Variants in MCPH1 observed in about 807,000 individuals in gnomAD.
MCPH1 encodes the protein microcephalin.
In MCPH1, 104 loss-of-function variants were observed where a neutral mutation model predicts 84.5. The ratio of observed to expected loss-of-function variants is 1.23; its 90% CI spans 1.05 to 1.45. The LOEUF is 1.45. Among genes scored for constraint, MCPH1 ranks in the 40% most tolerant of loss-of-function variants. MCPH1 has a pLI of 0.00. For missense variants in MCPH1, 1,498 were observed against 1,005.7 expected, an observed-to-expected ratio of 1.49 and a Z score of -6.62; for synonymous variants, 514 against 366.8, an observed-to-expected ratio of 1.40 and a Z score of -4.58.
chr8:6,567,836 G>T (rs1826329139), intron 12 of MCPH1, among the ~76,000 whole-genome samples: 1 of 152,156 alleles, frequency 6.6e-6, no homozygotes, highest in Non-Finnish European at 1.5e-5. Flanking sequence ...TGTACTGACG[G>T]GACCACAAGA....
At chr8:6,477,712 C>G in intron 10 of MCPH1, 81 bp downstream of exon 10, 1 of 1,070,704 alleles carries the variant, frequency 9.3e-7, no homozygotes, top group Non-Finnish European at 1.5e-6. Flanking sequence ...TGCCTTTAGG[C>G]AACTTGTCAA....
chr8:6,604,683 G>A (rs945065226), intron 12 of MCPH1, among the ~76,000 whole-genome samples: 6 of 152,168 alleles, frequency 3.9e-5, no homozygotes, highest in Admixed American at 3.3e-4. Context: ...TTTTGTATTT[G>A]TAGTAGAGAC....
At chr8:6,552,304 G>A (rs867066635) in intron 12 of MCPH1, among the ~76,000 whole-genome samples, 7 of 152,176 alleles carry the variant, frequency 4.6e-5, no homozygotes, top group Non-Finnish European at 8.8e-5. Context: ...ATGGAATGTG[G>A]CCATATTCAC....
At chr8:6,551,836 T>C (rs1434695440) in intron 12 of MCPH1, among the ~76,000 whole-genome samples, 1 of 152,346 alleles carries the variant, frequency 6.6e-6, no homozygotes, top group East Asian at 1.9e-4. Flanking sequence ...TAACGTACTT[T>C]CTCGAGCAGA....
intron 12 of MCPH1, among the ~76,000 whole-genome samples, chr8:6,525,602 C>T (rs1261273859): frequency 6.6e-6 from 1 of 152,070 alleles, no homozygotes; most frequent in East Asian, 1.9e-4. Flanking sequence ...GTGGTTTGTC[C>T]AATGTGAAAC....
At chr8:6,457,760 G>T (rs2129557091) in intron 9 of MCPH1, among the ~76,000 whole-genome samples, 1 of 152,304 alleles carries the variant, frequency 6.6e-6, no homozygotes, top group East Asian at 1.9e-4. Flanking sequence ...CTCGCCAATA[G>T]CAGAAGGAGC....
chr8:6,632,576 G>C (rs529228821), intron 13 of MCPH1, among the ~76,000 whole-genome samples: 1 of 152,294 alleles, frequency 6.6e-6, no homozygotes, highest in Admixed American at 6.5e-5. Context: ...TTGGAAGGCC[G>C]AGGGGGGCGG....
chr8:6,519,887 G>T (rs760595816), intron 12 of MCPH1: 1 of 1,613,868 alleles, frequency 6.2e-7, no homozygotes, highest in African/African-American at 1.3e-5. Context: ...GTAGAATTAG[G>T]GAATGTTAAC....
chr8:6,617,275 TTG>T (rs1830896183), intron 12 of MCPH1: 1 of 133,636 alleles, frequency 7.5e-6, no homozygotes, highest in Non-Finnish European at 1.5e-5. Flanking sequence ...GGTGTTTTTT[TTG>T]TTTTTTTTTT....
At chr8:6,482,503 CTG>C (rs1316354332) in intron 11 of MCPH1, among the ~76,000 whole-genome samples, 3 of 152,220 alleles carry the variant, frequency 2.0e-5, no homozygotes, top group Middle Eastern at 3.2e-3. Context: ...CAAATCGTCT[CTG>C]TGTCTTCATC....
chr8:6,452,525 A>T (rs1029514140), intron 8 of MCPH1, among the ~76,000 whole-genome samples: 37 of 152,360 alleles, frequency 2.4e-4, no homozygotes, highest in African/African-American at 8.7e-4. Context: ...AATGCTGTGG[A>T]CCAAATTGTG....
chr8:6,539,774 A>T (rs975625769), intron 12 of MCPH1, among the ~76,000 whole-genome samples: 5 of 152,060 alleles, frequency 3.3e-5, no homozygotes, highest in Admixed American at 1.3e-4. Flanking sequence ...TTTAATAGAG[A>T]TGGGGCTTCG....
At chr8:6,560,563 A>G (rs531693674) in intron 12 of MCPH1, among the ~76,000 whole-genome samples, 52 of 152,316 alleles carry the variant, frequency 3.4e-4, no homozygotes, top group African/African-American at 1.3e-3. Context: ...CGTTGCTGAG[A>G]TAGGCTGGGA....
chr8:6,540,861 G>A (rs1272867560), intron 12 of MCPH1, among the ~76,000 whole-genome samples: 1 of 152,248 alleles, frequency 6.6e-6, no homozygotes, highest in Non-Finnish European at 1.5e-5. Context: ...GGACTCAGGC[G>A]GCCACCGCCG....
chr8:6,538,841 A>G (rs913304833), intron 12 of MCPH1, among the ~76,000 whole-genome samples: 1 of 152,256 alleles, frequency 6.6e-6, no homozygotes, highest in African/African-American at 2.4e-5. Context: ...CAAGCAAAAC[A>G]TCCACTCTTA....
At chr8:6,530,306 G>A (rs1037271768) in intron 12 of MCPH1, among the ~76,000 whole-genome samples, 10 of 152,048 alleles carry the variant, frequency 6.6e-5, no homozygotes, top group African/African-American at 2.2e-4. Flanking sequence ...TCAGGAGTTC[G>A]AGACCAGCCT....
chr8:6,511,525 C>G (rs1815090597), intron 12 of MCPH1, among the ~76,000 whole-genome samples: 4 of 152,078 alleles, frequency 2.6e-5, no homozygotes, highest in Admixed American at 2.0e-4. Context: ...TTCCAGTTTT[C>G]CAACACTTGG....
intron 12 of MCPH1, among the ~76,000 whole-genome samples, chr8:6,537,076 C>T (rs1380340996): frequency 6.6e-6 from 1 of 152,062 alleles, no homozygotes; most frequent in East Asian, 1.9e-4. Flanking sequence ...GTCATCTGCA[C>T]CGAACTGCTC....
intron 12 of MCPH1, among the ~76,000 whole-genome samples, chr8:6,529,226 T>A (rs1868554): frequency 0.68 from 103,823 of 152,008 alleles, 35,752 homozygotes; most frequent in Non-Finnish European, 0.72. Context: ...AGGCCAGGTA[T>A]TGATCTCTCA....
Sources: gnomAD v4.1 joint callset for allele counts (sites outside exome capture counted in the v4.1 genomes callset) on GRCh38, gnomAD v4.1.1 for gene constraint, MANE v1.5 for transcripts, NCBI Gene and HGNC (gene_info 2026-07-23, HGNC 2026-07-21) for gene names.